The following MC2R variants were observed in gnomAD, a reference collection of about 807,000 sequenced individuals.
The protein encoded by MC2R is adrenocorticotropic hormone receptor.
In MC2R, 9 loss-of-function variants were observed where a neutral mutation model predicts 9.8. The observed-to-expected ratio is 0.92, with a 90% CI of 0.55 to 1.60. The LOEUF (loss-of-function observed/expected upper bound fraction) is 1.60, where lower values mean the gene tolerates loss of function less well. Ranked by LOEUF, MC2R falls within the 40% of genes most tolerant of loss-of-function variation. The pLI, the probability that MC2R is intolerant of heterozygous loss-of-function variation, is 0.00. For synonymous variants in MC2R, 185 were observed against 154.7 expected, an observed-to-expected ratio of 1.20 and a Z score of -1.45; for missense variants, 370 against 389.0, an observed-to-expected ratio of 0.95 and a Z score of 0.41.
At chr18:13,892,376 C>T (rs943878052) in intron 1 of MC2R, among the ~76,000 whole-genome samples, 2 of 152,270 alleles carry the variant, frequency 1.3e-5, no homozygotes, top group East Asian at 3.9e-4. Flanking sequence ...GATGTGAGCC[C>T]TCAATAAGCC....
chr18:13,897,352 T>A (rs975079965), intron 1 of MC2R, among the ~76,000 whole-genome samples: 1 of 152,162 alleles, frequency 6.6e-6, no homozygotes, highest in Non-Finnish European at 1.5e-5. Context: ...CTGACCCCAA[T>A]GGTCGGAACT....
rs2045264092 is a variant in MC2R, at chr18:13,884,879, T to A, written c.640A>T (p.Asn214Tyr). Residue 214 changes from asparagine (N) to tyrosine (Y), a missense_variant, in exon 2 of 2, where the codon AAC becomes TAC. Coordinates refer to ENST00000327606, the MANE Select transcript of MC2R (RefSeq NM_000529.2). ...TRKISTLPRA[N>Y]MKGAITLTIL... ...GTCAGTGTGATGGCCCCTTTCATGT[T>A]GGCTCTGGGGAGGGTGGAGATCTTC... is the stretch of plus-strand genomic sequence containing the variant. 6.8e-6 allele frequency: 11 copies of A among 1,614,050 alleles called. No homozygotes were observed. The East Asian group carries it at 2.5e-4, about 36-fold the overall frequency.
intron 1 of MC2R, among the ~76,000 whole-genome samples, chr18:13,895,757 T>G (rs1435570135): frequency 6.6e-6 from 1 of 152,110 alleles, no homozygotes; most frequent in African/African-American, 2.4e-5. Flanking sequence ...GAAGGCTGCA[T>G]GTGGGACTGA....
At chr18:13,905,443 G>A (rs1291037927) in intron 1 of MC2R, among the ~76,000 whole-genome samples, 2 of 151,352 alleles carry the variant, frequency 1.3e-5, no homozygotes, top group Admixed American at 1.3e-4. Context: ...CCGTGATCGT[G>A]CCACTACACT....
rs759689328 is a variant in MC2R, at chr18:13,885,461, C to T, written c.58G>A (p.Asp20Asn). 10 of 1,614,038 alleles carry T rather than the reference C, an allele frequency of 6.2e-6. No individual in the cohort carries two copies. The highest frequency in any genetic ancestry group is 7.6e-6 in the Non-Finnish European group (9 of 1,180,010). The change falls in exon 2 of 2, where the codon GAC (aspartate) becomes AAC (asparagine). Residue 20 changes from aspartate (D) to asparagine (N), a missense_variant. By Grantham distance (23) the Asp-to-Asn change is conservative. Transcript: ENST00000327606. ...TCCGGCAAAACCACACGAGGACAGT[C>T]GGAATTATTTCTTGCTGTGTTGTTG... ...NINNTARNNS[D>N]CPRVVLPEEI...
chr18:13,900,266 CA>C (rs1172434374), intron 1 of MC2R, among the ~76,000 whole-genome samples: 2 of 151,546 alleles, frequency 1.3e-5, no homozygotes, highest in Non-Finnish European at 1.5e-5. Context: ...AATGGATACA[CA>C]AAAAACCAAA....
chr18:13,891,290 T>C (rs2045314382), intron 1 of MC2R, among the ~76,000 whole-genome samples: 1 of 152,244 alleles, frequency 6.6e-6, no homozygotes. Context: ...TGCATGGTAT[T>C]CCATTGTATG....
chr18:13,914,615 T>C (rs2045465758), intron 1 of MC2R, among the ~76,000 whole-genome samples: 2 of 152,318 alleles, frequency 1.3e-5, no homozygotes, highest in Admixed American at 6.5e-5. Flanking sequence ...CATGTATGTA[T>C]GTATGTTTAC....
Position 13,884,869 on chromosome 18 carries a change from CCT to C in MC2R, c.648_649del (p.Ala218HisfsTer30). On this transcript the variant is annotated frameshift_variant, in exon 2 of 2. Coordinates refer to ENST00000327606, the MANE Select transcript of MC2R (RefSeq NM_000529.2). LOFTEE classifies it high-confidence loss of function. ...GAGCAGGATGGTCAGTGTGATGGCC[CCT>C]TTCATGTTGGCTCTGGGGAGGGTGG... The C allele has an allele frequency of 6.2e-7, 1 of 1,614,014 alleles. No individual in the cohort carries two copies. The highest frequency in any genetic ancestry group is 8.5e-7 in the Non-Finnish European group (1 of 1,180,022).
chr18:13,890,127 T>C (rs1237978261), intron 1 of MC2R, among the ~76,000 whole-genome samples: 1 of 152,228 alleles, frequency 6.6e-6, no homozygotes, highest in Non-Finnish European at 1.5e-5. Flanking sequence ...CTTTCTGTTC[T>C]CTAAATTTCA....
Position 13,891,389 on chromosome 18 carries a change from T to G in MC2R, c.-128-5743A>C, listed in dbSNP as rs1202123792. Among the ~76,000 whole-genome samples the G allele has an allele frequency of 2.0e-5, 3 of 152,374 alleles. No homozygotes were observed. In the East Asian group the frequency reaches 5.8e-4, roughly 29 times the overall value. On this transcript the variant is annotated intron_variant, in intron 1 of 1. Transcript: ENST00000327606. The stretch of plus-strand genomic sequence containing the variant: ...GTGTAAATAATGCTATAATGCATAA[T>G]CATCTACGTATATAGTTTTGTGTGA...
Position 13,885,020 on chromosome 18 carries a change from T to C in MC2R, c.499A>G (p.Ile167Val). 6.2e-7 allele frequency: 1 copy of C among 1,614,048 alleles called. No individual in the cohort carries two copies. The highest frequency in any genetic ancestry group is 8.5e-7 in the Non-Finnish European group (1 of 1,180,004). The change falls in exon 2 of 2, where the codon ATC (isoleucine) becomes GTC (valine). Residue 167 changes from isoleucine (I) to valine (V), a missense_variant. Transcript: ENST00000327606. ...ACTGTGGGCACATGATGGGAGAAGA[T>C]CACCATGGTGATGCCAGTCCCCGTG... is the stretch of plus-strand genomic sequence containing the variant. The part of the protein sequence containing the change: ...FCTGTGITMV[I>V]FSHHVPTVIT...
At chr18:13,914,334 T>A (rs1229707315) in intron 1 of MC2R, among the ~76,000 whole-genome samples, 1 of 152,124 alleles carries the variant, frequency 6.6e-6, no homozygotes, top group Non-Finnish European at 1.5e-5. Context: ...TGAAGTGTTG[T>A]CTCAGTGTGC....
intron 1 of MC2R, among the ~76,000 whole-genome samples, chr18:13,887,124 CGGGG>C (rs2045281047): frequency 2.6e-5 from 4 of 151,938 alleles, no homozygotes; most frequent in African/African-American, 9.7e-5. Flanking sequence ...TGCCCAGGCC[CGGGG>C]AAGCCTGTGT....
intron 1 of MC2R, among the ~76,000 whole-genome samples, chr18:13,889,004 C>T (rs1259311834): frequency 6.6e-6 from 1 of 152,190 alleles, no homozygotes; most frequent in Non-Finnish European, 1.5e-5. Flanking sequence ...TAGAGCCCTT[C>T]CACCTCCTTC....
chr18:13,915,358 C>A (rs762729359), intron 1 of MC2R, 130 bp downstream of exon 1: 19 of 152,378 alleles, frequency 1.2e-4, no homozygotes, highest in Admixed American at 3.3e-4. Flanking sequence ...AGGATGAAAG[C>A]CCATAATTAA....
chr18:13,888,480 T>C (rs955719861), intron 1 of MC2R, among the ~76,000 whole-genome samples: 3 of 152,132 alleles, frequency 2.0e-5, no homozygotes, highest in Admixed American at 6.5e-5. Flanking sequence ...CAGAGGAAGC[T>C]ACCCCAGAAA....
intron 1 of MC2R, among the ~76,000 whole-genome samples, chr18:13,913,594 A>C (rs1465632472): frequency 6.6e-6 from 1 of 152,122 alleles, no homozygotes; most frequent in East Asian, 1.9e-4. Flanking sequence ...AGAAGTTAAG[A>C]CTTTAGGACT....
rs190761141 is a variant in MC2R, at chr18:13,897,527, C to A, written c.-128-11881G>T. Among the ~76,000 whole-genome samples, 10 of 152,252 alleles carry A rather than the reference C, an allele frequency of 6.6e-5. No homozygotes were observed. In the East Asian group the frequency reaches 1.9e-3, roughly 29 times the overall value. Reference sequence around the variant, plus strand: ...GGGGGCGCACAACCTACTGAGATACCAGCTGGGGTGGCTAAGGGAGTGCTG... The same window carrying A: ...GGGGGCGCACAACCTACTGAGATACAAGCTGGGGTGGCTAAGGGAGTGCTG... On this transcript the variant is annotated intron_variant, in intron 1 of 1. Coordinates refer to ENST00000327606, the MANE Select transcript of MC2R (RefSeq NM_000529.2).
Sources: gnomAD v4.1 joint callset for allele counts (sites outside exome capture counted in the v4.1 genomes callset) on GRCh38, gnomAD v4.1.1 for gene constraint, MANE v1.5 for transcripts, NCBI Gene and HGNC (gene_info 2026-07-23, HGNC 2026-07-21) for gene names.